AKAP9: variants seen among roughly 807,000 people sequenced by gnomAD.
The protein encoded by AKAP9 is A-kinase anchoring protein 9.
In AKAP9, 311 loss-of-function variants were observed where a neutral mutation model predicts 488.5. The ratio of observed to expected loss-of-function variants is 0.64; its 90% CI spans 0.58 to 0.70. The LOEUF is 0.70. Ranked by LOEUF, AKAP9 falls within the 30% of genes least tolerant of loss-of-function variation. The pLI is 0.00. For missense variants in AKAP9, 4,215 were observed against 4,374.5 expected (o/e 0.96, Z 1.03); for synonymous variants, 1,462 against 1,483.5 (o/e 0.99, Z 0.33).
At chr7:91,969,244 A>G (rs1358012348) in intron 1 of AKAP9, among the ~76,000 whole-genome samples, 4 of 152,070 alleles carry the variant, frequency 2.6e-5, no homozygotes, top group Non-Finnish European at 5.9e-5. Flanking sequence ...CTTGTGACTG[A>G]TTTTTAGTTT....
chr7:92,040,822 G>A lies in AKAP9; in HGVS notation c.4841G>A (p.Arg1614Gln), dbSNP rs2230768. ...GAATTGTTAAGGCAAGCACATATGC[G>A]GCAAATGGAGAGACAGCGAGAAGAC... ...ATELLRQAHM[R>Q]QMERQREDQE... Residue 1614 changes from arginine to glutamine, a missense_variant, in exon 18 of 50, where the codon CGG (arginine) becomes CAG (glutamine). By Grantham distance (43) the Arg-to-Gln change is conservative (BLOSUM62 1). Coordinates refer to ENST00000356239, the MANE Select transcript of AKAP9 (RefSeq NM_005751.5). The A allele has an allele frequency of 1.4e-3, 2,211 of 1,613,748 alleles. 31 individuals are homozygous for A. The African/African-American group carries it at 0.026, about 19-fold the overall frequency.
chr7:91,961,386 C>T (rs951079501), intron 1 of AKAP9, among the ~76,000 whole-genome samples: 1 of 150,378 alleles, frequency 6.6e-6, no homozygotes, highest in South Asian at 2.2e-4. Flanking sequence ...CCATGTTGGT[C>T]AGGCTGGTCT....
rs1430402289 is a variant in AKAP9 at position 92,002,385 on chromosome 7, A to C, written c.2468A>C (p.Glu823Ala). Residue 823 changes from glutamate to alanine, a missense_variant, in exon 8 of 50, where the codon GAA (glutamate) becomes GCA (alanine). Coordinates refer to ENST00000356239, the MANE Select transcript of AKAP9 (RefSeq NM_005751.5). ...GACTCTGTGTGGGAAAAAGAAATAG[A>C]AATACTTATAGAGGAAAATGAGGAC... ...SKDSVWEKEI[E>A]ILIEENEDLK... The C allele has an allele frequency of 8.7e-6, 14 of 1,611,276 alleles. No homozygotes were observed. The highest frequency in any genetic ancestry group is 1.2e-5 in the Non-Finnish European group (14 of 1,178,962).
intron 1 of AKAP9, among the ~76,000 whole-genome samples, chr7:91,958,594 A>T (rs191280282): frequency 6.6e-6 from 1 of 152,290 alleles, no homozygotes; most frequent in East Asian, 1.9e-4. Flanking sequence ...TCCTTTAAAA[A>T]TAGTGATATT....
At chr7:92,027,193 T>A (rs4263686) in intron 14 of AKAP9, among the ~76,000 whole-genome samples, 6 of 135,712 alleles carry the variant, frequency 4.4e-5, no homozygotes, top group South Asian at 2.4e-4. Flanking sequence ...AAGTGAGGAG[T>A]GCCTCTGCCC....
chr7:91,959,082 A>G (rs1406451358), intron 1 of AKAP9, among the ~76,000 whole-genome samples: 1 of 151,854 alleles, frequency 6.6e-6, no homozygotes, highest in Non-Finnish European at 1.5e-5. Flanking sequence ...ATGAGGTTTC[A>G]CTATGTTGCC....
intron 1 of AKAP9, among the ~76,000 whole-genome samples, chr7:91,954,820 A>G (rs1792742235): frequency 6.6e-6 from 1 of 152,202 alleles, no homozygotes; most frequent in South Asian, 2.1e-4. Flanking sequence ...AGGACCCACT[A>G]ACATAGCCAC....
intron 40 of AKAP9, among the ~76,000 whole-genome samples, chr7:92,095,742 C>G (rs184676681): frequency 3.3e-5 from 5 of 152,236 alleles, no homozygotes; most frequent in Admixed American, 2.6e-4. Flanking sequence ...AATCCTAATT[C>G]TCACTAACTC....
chr7:92,061,458 A>T (rs1809773485), intron 23 of AKAP9, 36 bp downstream of exon 23: 1 of 1,610,240 alleles, frequency 6.2e-7, no homozygotes, highest in Admixed American at 1.7e-5. Context: ...AGGGTAGAGA[A>T]ATTTCAGTCT....
At chr7:92,108,757 A>G in intron 49 of AKAP9, 124 bp downstream of exon 49, 1 of 1,171,514 alleles carries the variant, frequency 8.5e-7, no homozygotes, top group Middle Eastern at 1.9e-4. Context: ...TGAGCTAATT[A>G]TTAAGTTAGC....
At chr7:92,096,333 TG>T (rs372147466) in intron 40 of AKAP9, among the ~76,000 whole-genome samples, 20 of 148,298 alleles carry the variant, frequency 1.3e-4, no homozygotes, top group South Asian at 1.3e-3. Context: ...AAGTTTTTTT[TG>T]TTTTTTTTTT....
rs1486680667 is a variant in AKAP9 at position 92,077,001 on chromosome 7, AT to A, written c.6762del (p.Phe2254LeufsTer12). 6.4e-7 allele frequency: 1 copy of A among 1,557,544 alleles called. No homozygotes were observed. The highest frequency in any genetic ancestry group is 8.7e-7 in the Non-Finnish European group (1 of 1,146,784). ...AAGAACTTGAACAGGAAAACAAATTATTTAAGGTAATTAGTTAAGAAAAACT... is the reference window on the plus strand; with the variant it reads ...AAGAACTTGAACAGGAAAACAAATTATTAAGGTAATTAGTTAAGAAAAACT... ...LQELEQENKL[F>X]KDDMEKLGLA... On this transcript the variant is annotated frameshift_variant, in exon 29 of 50. Transcript: ENST00000356239. LOFTEE classifies it high-confidence loss of function.
intron 21 of AKAP9, among the ~76,000 whole-genome samples, chr7:92,049,376 C>T (rs543138065): frequency 1.9e-3 from 288 of 152,184 alleles, no homozygotes; most frequent in African/African-American, 6.5e-3. Context: ...CTTTGGGAGG[C>T]TGAGGTGGGT....
rs1451625555 is a variant in AKAP9 at position 92,079,869 on chromosome 7, C to G, written c.7736C>G (p.Ser2579Ter). The G allele has an allele frequency of 1.2e-6, 2 of 1,613,996 alleles. No homozygotes were observed. Among genetic ancestry groups the G allele is most frequent in the Non-Finnish European group, 1.7e-6 (2 of 1,179,974 alleles). Residue 2579 changes from serine to a stop codon, truncating the protein, a stop_gained, in exon 31 of 50, where the codon TCA (serine) becomes TGA (stop). Coordinates refer to ENST00000356239, the MANE Select transcript of AKAP9 (RefSeq NM_005751.5). LOFTEE classifies it high-confidence loss of function. ...KFCQDNQTISSEPERTNIQNL... is the reference protein window; with the variant it reads ...KFCQDNQTIS ...TGTCAAGATAATCAAACAATTTCATCAGAACCTGAAAGAACAAATATTCAG... is the reference window on the plus strand; with the variant it reads ...TGTCAAGATAATCAAACAATTTCATGAGAACCTGAAAGAACAAATATTCAG...
chr7:91,973,302 G>A lies in AKAP9; in HGVS notation c.49-409G>A, dbSNP rs75928314. The stretch of plus-strand genomic sequence containing the variant: ...GGGCTGAAGTGGGAGGATCTGTGGA[G>A]CCCAGAAAGTTGAGGTGAGCTGTGA... On this transcript the variant is annotated intron_variant, in intron 1 of 49. Transcript: ENST00000356239. Among the ~76,000 whole-genome samples the A allele has an allele frequency of 4.8e-3, 725 of 152,232 alleles. 3 individuals are homozygous for A. Among genetic ancestry groups the A allele is most frequent in the African/African-American group, 0.016 (682 of 41,528 alleles).
At chr7:92,101,454 G>T (rs985998078) in intron 45 of AKAP9, among the ~76,000 whole-genome samples, 1 of 149,026 alleles carries the variant, frequency 6.7e-6, no homozygotes, top group Non-Finnish European at 1.5e-5. Flanking sequence ...AAAAAAAAAT[G>T]TAGATAGTAT....
chr7:92,100,778 T>C, intron 44 of AKAP9, 78 bp from the exon 45 acceptor site: 1 of 1,543,602 alleles, frequency 6.5e-7, no homozygotes, highest in Non-Finnish European at 8.9e-7. Context: ...GACTGCATCA[T>C]CATGCAGATA....
intron 24 of AKAP9, among the ~76,000 whole-genome samples, chr7:92,064,593 G>A (rs1468087266): frequency 2.0e-5 from 3 of 152,022 alleles, no homozygotes; most frequent in East Asian, 1.9e-4. Context: ...TTGGGCCTAC[G>A]GTCTGTTCTT....
At chr7:91,962,720 A>G (rs933355678) in intron 1 of AKAP9, among the ~76,000 whole-genome samples, 8 of 152,172 alleles carry the variant, frequency 5.3e-5, no homozygotes, top group African/African-American at 1.7e-4. Flanking sequence ...CTTAAAAGTG[A>G]TTCGTTCTAA....
Sources: allele counts gnomAD v4.1 joint callset (sites outside exome capture counted in the v4.1 genomes callset), GRCh38; gene constraint gnomAD v4.1.1; transcripts MANE v1.5; gene names NCBI Gene and HGNC (gene_info 2026-07-23, HGNC 2026-07-21).